AKNA: variants seen among roughly 807,000 people sequenced by gnomAD.
AKNA encodes microtubule organization protein AKNA.
Under a neutral mutation model 138.8 loss-of-function variants are expected in AKNA, and 67 were observed. The observed-to-expected ratio is 0.48, with a 90% confidence interval of 0.40 to 0.59. The LOEUF (loss-of-function observed/expected upper bound fraction) is 0.59. Ranked by LOEUF, AKNA falls within the 20% of genes least tolerant of loss-of-function variation. The pLI is 0.00. For missense variants in AKNA, 1,813 were observed against 1,880.4 expected (o/e 0.96, Z 0.66); for synonymous variants, 737 against 754.4 (o/e 0.98, Z 0.38).
rs902949799 is a variant in AKNA at position 114,350,978 on chromosome 9, T to A, written c.3102A>T (p.Glu1034Asp). ...SEFEGHKRIS[E>D]QPLPNKTISP... The stretch of plus-strand genomic sequence containing the variant: ...TGATTGTCTTGTTGGGAAGGGGCTG[T>A]TCAGAAATCCGTTTGTGCCCCTCAA... The change falls in exon 15 of 22, where the codon GAA becomes GAT. Residue 1034 changes from glutamate (E) to aspartate (D), a missense_variant. Physicochemically the swap from Glu to Asp is conservative, Grantham distance 45. Transcript: ENST00000374088. 6.2e-7 allele frequency: 1 copy of A among 1,613,632 alleles called. No individual in the cohort carries two copies. The highest frequency in any genetic ancestry group is 8.5e-7 in the Non-Finnish European group (1 of 1,179,944).
chr9:114,373,885 CAAAAAAAAAA>C (rs758805914), intron 4 of AKNA, among the ~76,000 whole-genome samples, 198 bp downstream of exon 4: 2 of 79,008 alleles, frequency 2.5e-5, no homozygotes, highest in Non-Finnish European at 4.6e-5. Context: ...GACCCTGACT[CAAAAAAAAAA>C]AAAAAAAAAA....
At chr9:114,397,066 C>T (rs1322897293), upstream of AKNA, among the ~76,000 whole-genome samples, 1 of 152,006 alleles carries the variant, frequency 6.6e-6, no homozygotes, top group Non-Finnish European at 1.5e-5. Flanking sequence ...CTGATGAAAT[C>T]CCCTTGCAAC....
intron 8 of AKNA, 112 bp downstream of exon 8, chr9:114,362,294 T>C: frequency 7.1e-7 from 1 of 1,406,480 alleles, no homozygotes; most frequent in Non-Finnish European, 9.4e-7. Flanking sequence ...ATAAGATTTC[T>C]CTCTATTCCC....
At chr9:114,353,519 C>A (rs562289539) in intron 14 of AKNA, among the ~76,000 whole-genome samples, 1 of 152,314 alleles carries the variant, frequency 6.6e-6, no homozygotes, top group African/African-American at 2.4e-5. Context: ...CCGCCTCAGC[C>A]TCCCAAAGTG....
Position 114,358,170 on chromosome 9 carries a change from G to T in AKNA, c.2493-3C>A. The T allele has an allele frequency of 6.2e-7, 1 of 1,613,880 alleles. No individual in the cohort carries two copies. The highest frequency in any genetic ancestry group is 1.1e-5 in the South Asian group (1 of 91,056). On this transcript the variant is annotated splice_region_variant and splice_polypyrimidine_tract_variant and intron_variant, in intron 11 of 21. Transcript: ENST00000374088. ...ATACCATCTTCTCCGTGGCCTCCCT[G>T]GCATGGGAAGAGAAGACCATCCTTG...
At chr9:114,339,739 A>G (rs1039094835) in intron 21 of AKNA, among the ~76,000 whole-genome samples, 1 of 152,168 alleles carries the variant, frequency 6.6e-6, no homozygotes, top group Non-Finnish European at 1.5e-5. Flanking sequence ...ATTGGTTCTC[A>G]TCTCTGCTGG....
chr9:114,347,922 A>G, intron 15 of AKNA, 22 bp from the exon 16 acceptor site: 1 of 1,548,162 alleles, frequency 6.5e-7, no homozygotes, highest in Non-Finnish European at 8.7e-7. Flanking sequence ...GTGGAGACAG[A>G]AACAAAGAAC....
chr9:114,378,392 A>G (rs1833399564), intron 2 of AKNA, among the ~76,000 whole-genome samples: 1 of 152,192 alleles, frequency 6.6e-6, no homozygotes, highest in South Asian at 2.1e-4. Flanking sequence ...AACACTTATC[A>G]TAGCAGCAGT....
chr9:114,381,503 C>T lies in AKNA; in HGVS notation c.-113-57G>A, dbSNP rs555345256. On this transcript the variant is annotated intron_variant, in intron 1 of 21. Coordinates refer to ENST00000374088, the MANE Select transcript of AKNA (RefSeq NM_001317950.2). ...ATCAATCCTGATCCCCTCTTTTATT[C>T]GGAACAAGAAGTTACCAGCAGGAAC... 1.2e-3 allele frequency: 1,545 copies of T among 1,307,696 alleles called. 3 individuals are homozygous for T. Among genetic ancestry groups the T allele is most frequent in the Non-Finnish European group, 1.4e-3 (1,447 of 1,029,738 alleles). 81.0% of individuals were successfully genotyped at this position (1,307,696 alleles called of 1,614,324 possible).
Position 114,358,326 on chromosome 9 carries a change from G to C in AKNA, c.2493-159C>G, listed in dbSNP as rs1831660933. 3.2e-6 allele frequency: 3 copies of C among 949,286 alleles called. No individual in the cohort carries two copies. In the South Asian group the frequency reaches 5.2e-5, roughly 16 times the overall value. 58.8% of individuals were successfully genotyped at this position (949,286 alleles called of 1,614,324 possible). ...TGCCACCTTCTAGCTGTGTGACCTA[G>C]GGCAAGGCACTTCCCCTCTCTCAAC... On this transcript the variant is annotated intron_variant, in intron 11 of 21. Coordinates refer to ENST00000374088, the MANE Select transcript of AKNA (RefSeq NM_001317950.2).
intron 1 of AKNA, among the ~76,000 whole-genome samples, chr9:114,387,136 C>T (rs1190865977): frequency 1.3e-5 from 2 of 152,152 alleles, no homozygotes; most frequent in Non-Finnish European, 2.9e-5. Flanking sequence ...AAGACCACCC[C>T]CCAAATCAGT....
upstream of AKNA, among the ~76,000 whole-genome samples, chr9:114,395,837 A>G (rs1834516825): frequency 6.6e-6 from 1 of 151,888 alleles, no homozygotes. Flanking sequence ...GGCCATGCCA[A>G]TTTCAAGCTA....
intron 14 of AKNA, among the ~76,000 whole-genome samples, chr9:114,354,961 G>A (rs555762757): frequency 3.6e-5 from 5 of 139,252 alleles, no homozygotes; most frequent in East Asian, 2.4e-4. Flanking sequence ...CTCTGCCTCC[G>A]CCTCCTGGGT....
At chr9:114,398,202 G>A (rs1834596344), upstream of AKNA, among the ~76,000 whole-genome samples, 1 of 152,206 alleles carries the variant, frequency 6.6e-6, no homozygotes, top group African/African-American at 2.4e-5. The surrounding 1 kb of genome is among the most constrained non-coding windows in gnomAD (Gnocchi z 4.2). Flanking sequence ...GCACGGTTTG[G>A]ACTGGGGCCC....
intron 4 of AKNA, among the ~76,000 whole-genome samples, chr9:114,369,674 CCATCAG>C (rs991999611): frequency 7.7e-6 from 1 of 130,038 alleles, no homozygotes; most frequent in Non-Finnish European, 1.5e-5. Context: ...ATTAGCATCA[CCATCAG>C]CATCACCATC....
At position 114,376,692 on chromosome 9, in the gene AKNA, T is replaced by C. The variant is rs202114704; in HGVS notation, c.1115A>G (p.Lys372Arg). The C allele has an allele frequency of 8.4e-5, 135 of 1,612,950 alleles. 1 individual carries two copies. In the East Asian group the frequency reaches 2.8e-3, roughly 34 times the overall value. Residue 372 changes from lysine (K) to arginine (R), a missense_variant, in exon 3 of 22, where the codon AAA (lysine) becomes AGA (arginine). Physicochemically the swap from Lys to Arg is conservative, Grantham distance 26 (BLOSUM62 2). Transcript: ENST00000374088. ...SKVGPRVRFPKDESYRPPKSR... is the reference protein window; with the variant it reads ...SKVGPRVRFPRDESYRPPKSR... ...CTTGGGGGGACGGTAGCTCTCATCT[T>C]TGGGGAATCTCACCCGGGGCCCTAC... is the stretch of plus-strand genomic sequence containing the variant.
chr9:114,388,233 A>T (rs1341443117), upstream of AKNA, among the ~76,000 whole-genome samples: 1 of 152,196 alleles, frequency 6.6e-6, no homozygotes, highest in Admixed American at 6.5e-5. Context: ...GCTTGGGATC[A>T]TCTCAGCCCA....
At chr9:114,380,750 C>A (rs574493010) in intron 2 of AKNA, among the ~76,000 whole-genome samples, 1 of 147,798 alleles carries the variant, frequency 6.8e-6, no homozygotes, top group Non-Finnish European at 1.5e-5. Context: ...CCGAGGCGGG[C>A]GGATCACGAG....
rs766940836 is a variant in AKNA, at chr9:114,357,909, G to A, written c.2739+12C>T. On this transcript the variant is annotated intron_variant, in intron 12 of 21. Transcript: ENST00000374088. ...TGAGGTTCTGGGCCCATTCCCCCATGTGGAGACTTACCTCCAGGTGGGGCC... is the reference window on the plus strand; with the variant it reads ...TGAGGTTCTGGGCCCATTCCCCCATATGGAGACTTACCTCCAGGTGGGGCC... 7 of 1,596,038 alleles carry A rather than the reference G, an allele frequency of 4.4e-6. No individual in the cohort carries two copies. In the East Asian group the frequency reaches 1.6e-4, roughly 36 times the overall value.
Sources: gnomAD v4.1 joint callset for allele counts (sites outside exome capture counted in the v4.1 genomes callset) on GRCh38, gnomAD v4.1.1 for gene constraint, Gnocchi (gnomAD v3.1) non-coding constraint, MANE v1.5 for transcripts, NCBI Gene and HGNC (gene_info 2026-07-23, HGNC 2026-07-21) for gene names.